Variants in NRG3 observed in about 807,000 individuals in gnomAD.
The protein encoded by NRG3 is neuregulin 3.
Under a neutral mutation model 66.9 loss-of-function variants are expected in NRG3, and 31 were observed. The ratio of observed to expected loss-of-function variants is 0.46; its 90% CI spans 0.35 to 0.63. The LOEUF (loss-of-function observed/expected upper bound fraction) is 0.63. Ranked by LOEUF, NRG3 falls within the 20% of genes least tolerant of loss-of-function variation. NRG3 has a pLI of 0.00. For missense variants in NRG3, 910 were observed against 878.9 expected (o/e 1.04, Z -0.45); for synonymous variants, 393 against 359.4 (o/e 1.09, Z -1.06).
intron 6 of NRG3, among the ~76,000 whole-genome samples, chr10:82,962,552 G>A (rs1850761135): frequency 6.6e-6 from 1 of 152,042 alleles, no homozygotes; most frequent in South Asian, 2.1e-4. Flanking sequence ...AGAATTTAAT[G>A]CCTAGGCCAG....
At chr10:82,044,658 G>A (rs1210289200) in intron 1 of NRG3, among the ~76,000 whole-genome samples, 2 of 151,878 alleles carry the variant, frequency 1.3e-5, no homozygotes, top group East Asian at 3.9e-4. Flanking sequence ...CATGTGCCAT[G>A]CTGGTGTGCT....
At chr10:82,803,614 T>C (rs914659379) in intron 3 of NRG3, among the ~76,000 whole-genome samples, 1 of 152,228 alleles carries the variant, frequency 6.6e-6, no homozygotes, top group Non-Finnish European at 1.5e-5. Context: ...CTCTTTGACA[T>C]CATTTGCAGA....
intron 4 of NRG3, among the ~76,000 whole-genome samples, chr10:82,871,990 A>C (rs1841386351): frequency 6.6e-6 from 1 of 152,208 alleles, no homozygotes; most frequent in African/African-American, 2.4e-5. Context: ...CTCGTTCATA[A>C]TCTTAATGAG....
chr10:82,218,106 G>A (rs1440810633), intron 1 of NRG3, among the ~76,000 whole-genome samples: 1 of 152,106 alleles, frequency 6.6e-6, no homozygotes, highest in Non-Finnish European at 1.5e-5. Flanking sequence ...GTATGAATGA[G>A]TCGATCCTGT....
chr10:82,585,798 A>G (rs982176190), intron 2 of NRG3, among the ~76,000 whole-genome samples: 6 of 152,204 alleles, frequency 3.9e-5, no homozygotes, highest in Admixed American at 3.3e-4. Context: ...CTTAGAAAAC[A>G]TACACTGAAG....
intron 1 of NRG3, among the ~76,000 whole-genome samples, chr10:82,174,375 CAT>C (rs769541626): frequency 7.2e-5 from 11 of 152,118 alleles, no homozygotes; most frequent in South Asian, 2.1e-4. Flanking sequence ...TCTTTATGCA[CAT>C]GTTTTTTTCG....
In NRG3 at chr10:82,183,480, A is replaced by G. The variant is rs931595629; in HGVS notation, c.824-175259A>G. Among the ~76,000 whole-genome samples the G allele has an allele frequency of 2.0e-5, 3 of 152,022 alleles. No individual in the cohort carries two copies. The East Asian group carries it at 5.8e-4, about 29-fold the overall frequency. On this transcript the variant is annotated intron_variant, in intron 1 of 8. Transcript: ENST00000372141. The stretch of plus-strand genomic sequence containing the variant: ...TCAGTTATTGCATTCTTCAGGTGCA[A>G]ACTTTGTTTTGCTTTTTAAACTATA...
chr10:82,062,022 A>G (rs969092924), intron 1 of NRG3, among the ~76,000 whole-genome samples: 14 of 152,166 alleles, frequency 9.2e-5, no homozygotes, highest in African/African-American at 3.1e-4. Context: ...TTTGCTTTTG[A>G]TGACCAAAGA....
intron 1 of NRG3, among the ~76,000 whole-genome samples, chr10:82,154,109 G>A (rs925805893): frequency 6.6e-6 from 1 of 151,854 alleles, no homozygotes; most frequent in Admixed American, 6.6e-5. Flanking sequence ...TGCTTTTGTT[G>A]CCTATGCTTT....
intron 1 of NRG3, among the ~76,000 whole-genome samples, chr10:82,016,841 A>G (rs189916170): frequency 5.3e-5 from 8 of 152,314 alleles, no homozygotes; most frequent in Admixed American, 2.6e-4. Context: ...CAATAAAACA[A>G]TAGTGACATC....
chr10:82,600,467 A>G (rs1287453192), intron 2 of NRG3, among the ~76,000 whole-genome samples: 1 of 152,032 alleles, frequency 6.6e-6, no homozygotes, highest in Non-Finnish European at 1.5e-5. Context: ...CCAGTATCTT[A>G]TTTATTTATT....
intron 1 of NRG3, among the ~76,000 whole-genome samples, chr10:82,095,811 TAAAC>T (rs1401065936): frequency 2.6e-5 from 4 of 152,148 alleles, no homozygotes; most frequent in Admixed American, 2.6e-4. Context: ...CACAGCAAAT[TAAAC>T]AAATTCTCAA....
intron 2 of NRG3, among the ~76,000 whole-genome samples, chr10:82,405,538 C>A (rs2087451680): frequency 6.8e-6 from 1 of 146,446 alleles, no homozygotes; most frequent in South Asian, 2.1e-4. Flanking sequence ...CTCACTGCAA[C>A]CTCCCCCTCC....
intron 3 of NRG3, among the ~76,000 whole-genome samples, chr10:82,836,902 C>T (rs552874099): frequency 3.3e-5 from 5 of 152,080 alleles, no homozygotes; most frequent in Admixed American, 1.3e-4. Flanking sequence ...CTCCCCGCAC[C>T]CTACAACAGG....
chr10:82,318,146 T>A (rs2081386569), intron 1 of NRG3, among the ~76,000 whole-genome samples: 1 of 152,116 alleles, frequency 6.6e-6, no homozygotes, highest in South Asian at 2.1e-4. Flanking sequence ...CAGAAACACC[T>A]TAAATGATCT....
At chr10:82,675,736 A>G (rs1230676209) in intron 2 of NRG3, among the ~76,000 whole-genome samples, 1 of 152,220 alleles carries the variant, frequency 6.6e-6, no homozygotes, top group African/African-American at 2.4e-5. Context: ...AATTAAAAGC[A>G]GTTTGAAGGC....
intron 2 of NRG3, among the ~76,000 whole-genome samples, chr10:82,412,711 T>C (rs895104268): frequency 4.6e-5 from 7 of 152,222 alleles, no homozygotes; most frequent in Admixed American, 6.6e-5. Context: ...GCTTTCAAAA[T>C]TGGAGTCAAT....
intron 2 of NRG3, among the ~76,000 whole-genome samples, chr10:82,416,501 T>C (rs1014551596): frequency 6.6e-6 from 1 of 151,908 alleles, no homozygotes; most frequent in African/African-American, 2.4e-5. Flanking sequence ...GAGGAGAGAG[T>C]TAAGGGCCAT....
At chr10:82,768,409 C>T (rs1320009635) in intron 3 of NRG3, among the ~76,000 whole-genome samples, 2 of 152,058 alleles carry the variant, frequency 1.3e-5, no homozygotes, top group African/African-American at 4.8e-5. Flanking sequence ...TCTTTATCAA[C>T]CTCTTGTTTG....
Sources: allele counts gnomAD v4.1 joint callset (sites outside exome capture counted in the v4.1 genomes callset), GRCh38; gene constraint gnomAD v4.1.1; transcripts MANE v1.5; gene names NCBI Gene and HGNC (gene_info 2026-07-23, HGNC 2026-07-21).